Variants in CEP104 observed in about 807,000 individuals in gnomAD.
CEP104 encodes centrosomal protein 104.
Under a neutral mutation model 113.3 loss-of-function variants are expected in CEP104, and 84 were observed. The ratio of observed to expected loss-of-function variants is 0.74; its 90% CI spans 0.62 to 0.89. CEP104 has a LOEUF of 0.89. Ranked by LOEUF, CEP104 falls within the 40% of genes least tolerant of loss-of-function variation. CEP104 has a pLI of 0.00. For synonymous variants in CEP104, 378 were observed against 421.7 expected, an observed-to-expected ratio of 0.90 and a Z score of 1.27; for missense variants, 1,053 against 1,156.6, an observed-to-expected ratio of 0.91 and a Z score of 1.30.
chr1:3,835,371 C>T (rs1421335545), intron 10 of CEP104, among the ~76,000 whole-genome samples: 1 of 152,042 alleles, frequency 6.6e-6, no homozygotes, highest in African/African-American at 2.4e-5. Context: ...CGAGGGAAAA[C>T]CCTACTCATT....
rs772904201 is a variant in CEP104, at chr1:3,836,590, C to T, written c.1222G>A (p.Ala408Thr). 6 of 1,613,042 alleles carry T rather than the reference C, an allele frequency of 3.7e-6. No individual in the cohort carries two copies. The highest frequency in any genetic ancestry group is 5.1e-6 in the Non-Finnish European group (6 of 1,179,766). Residue 408 changes from alanine (A) to threonine (T), a missense_variant, in exon 10 of 22, where the codon GCT (alanine) becomes ACT (threonine). Ala to Thr is a moderately conservative substitution (Grantham distance 58). Transcript: ENST00000378230. ...TCCCCTAACATGCCTCCCCTCCGAGCATCGCTGATGTCTGCATTACTCATT... is the reference window on the plus strand; with the variant it reads ...TCCCCTAACATGCCTCCCCTCCGAGTATCGCTGATGTCTGCATTACTCATT... Reference protein sequence around the residue: ...PEMSNADISDARRGGMLGEPE... With the variant: ...PEMSNADISDTRRGGMLGEPE...
In CEP104 at chr1:3,829,931, C is replaced by A; in HGVS notation, c.1903G>T (p.Asp635Tyr). 4.3e-6 allele frequency: 7 copies of A among 1,614,168 alleles called. No homozygotes were observed. The highest frequency in any genetic ancestry group is 1.3e-5 in the African/African-American group (1 of 75,042). ...VRETAVRIILDMYRQHQASIL... is the reference protein window; with the variant it reads ...VRETAVRIILYMYRQHQASIL... ...GAAGCCTGGTGCTGTCTGTACATGT[C>A]CAAAATAATTCGAACCGCCGTCTCG... Residue 635 changes from aspartate to tyrosine, a missense_variant, in exon 14 of 22, where the codon GAC (aspartate) becomes TAC (tyrosine). By Grantham distance (160) the Asp-to-Tyr change is radical. Transcript: ENST00000378230.
At chr1:3,851,812 A>G (rs867770368) in intron 2 of CEP104, among the ~76,000 whole-genome samples, 18 of 152,206 alleles carry the variant, frequency 1.2e-4, no homozygotes, top group African/African-American at 1.7e-4. Context: ...ACTGTGCCCA[A>G]TTGAACATTT....
intron 2 of CEP104, among the ~76,000 whole-genome samples, chr1:3,850,685 C>A (rs1644593735): frequency 6.6e-6 from 1 of 152,156 alleles, no homozygotes; most frequent in South Asian, 2.1e-4. Flanking sequence ...TGTCTTTCTG[C>A]GATGTGCCTG....
chr1:3,831,728 T>C (rs568167103), intron 12 of CEP104, among the ~76,000 whole-genome samples: 1 of 152,368 alleles, frequency 6.6e-6, no homozygotes, highest in South Asian at 2.1e-4. Flanking sequence ...AGTCTTTACG[T>C]AATTAAGATA....
intron 8 of CEP104, among the ~76,000 whole-genome samples, chr1:3,838,215 C>T (rs1644350938): frequency 6.6e-6 from 1 of 152,158 alleles, no homozygotes. Context: ...TGCAGTGGTG[C>T]GATCGTAGCT....
intron 6 of CEP104, among the ~76,000 whole-genome samples, chr1:3,842,837 T>C (rs990497461): frequency 6.6e-6 from 1 of 152,132 alleles, no homozygotes; most frequent in African/African-American, 2.4e-5. Flanking sequence ...CCCCAGACTG[T>C]AGTGCAGTGG....
In CEP104 at chr1:3,837,379, CT is replaced by C. The variant is rs1244933247; in HGVS notation, c.1031del (p.Lys344SerfsTer7). The C allele has an allele frequency of 6.2e-7, 1 of 1,614,078 alleles. No individual in the cohort carries two copies. Among genetic ancestry groups the C allele is most frequent in the Non-Finnish European group, 8.5e-7 (1 of 1,180,032 alleles). On this transcript the variant is annotated frameshift_variant, in exon 9 of 22. Transcript: ENST00000378230. LOFTEE classifies it high-confidence loss of function. The stretch of plus-strand genomic sequence containing the variant: ...AAATAGTTAGAGAATATGATGAAGG[CT>C]TTTCCTGAAGGAAAGGTTCTGCAAA... ...NQFAEPFLQE[K>X]PSSYSLTISP...
rs376603812 is a variant in CEP104 at position 3,850,908 on chromosome 1, A to G, written c.113+1387T>C. On this transcript the variant is annotated intron_variant, in intron 2 of 21. Coordinates refer to ENST00000378230, the MANE Select transcript of CEP104 (RefSeq NM_014704.4). ...TACCAAAAAGGGTGGCTGTGTGTATACTTGAGAATCTTCAATCCCCAAATA... is the reference window on the plus strand; with the variant it reads ...TACCAAAAAGGGTGGCTGTGTGTATGCTTGAGAATCTTCAATCCCCAAATA... 2.6e-5 allele frequency among the ~76,000 whole-genome samples: 4 copies of G among 152,372 alleles called. No individual in the cohort carries two copies. The East Asian group carries it at 7.7e-4, about 29-fold the overall frequency.
At position 3,825,777 on chromosome 1, in the gene CEP104, C is replaced by T. The variant is rs1045722002; in HGVS notation, c.2345G>A (p.Arg782Lys). 7 of 1,612,906 alleles carry T rather than the reference C, an allele frequency of 4.3e-6. No individual in the cohort carries two copies. The highest frequency in any genetic ancestry group is 5.9e-6 in the Non-Finnish European group (7 of 1,178,956). Reference sequence around the variant, plus strand: ...CCTGACCTGTTTGCAGTGGTCACATCTTGTCAGCATGAGACAGTGCTTCCA... The same window carrying T: ...CCTGACCTGTTTGCAGTGGTCACATTTTGTCAGCATGAGACAGTGCTTCCA... ...HYWKHCLMLT[R>K]CDHCKQVVEI... The change falls in exon 18 of 22, where the codon AGA (arginine) becomes AAA (lysine). Residue 782 changes from arginine to lysine, a missense_variant. Transcript: ENST00000378230.
chr1:3,814,484 C>T lies in CEP104; in HGVS notation c.*918G>A, dbSNP rs771533248. ...GAAAGTAAACTTATGGATCCAATCA[C>T]AACATGGATGTGGAAGGGGCGGGAG... On this transcript the variant is annotated 3_prime_UTR_variant, in exon 22 of 22. Coordinates refer to ENST00000378230, the MANE Select transcript of CEP104 (RefSeq NM_014704.4). The T allele has an allele frequency of 1.3e-5, 2 of 152,264 alleles. No individual in the cohort carries two copies. The highest frequency in any genetic ancestry group is 2.9e-5 in the Non-Finnish European group (2 of 68,056). 9.4% of individuals were successfully genotyped at this position (152,264 alleles called of 1,614,324 possible).
At chr1:3,833,200 C>T (rs940093434) in intron 12 of CEP104, among the ~76,000 whole-genome samples, 12 of 151,798 alleles carry the variant, frequency 7.9e-5, no homozygotes, top group Admixed American at 4.6e-4. Flanking sequence ...AGGATAGTCT[C>T]GATCTCCTAA....
rs923298985 is a variant in CEP104, at chr1:3,819,919, C to T, written c.2571+3255G>A. On this transcript the variant is annotated intron_variant, in intron 20 of 21. Transcript: ENST00000378230. This position sits in a 1 kb window ranked among gnomAD's most constrained non-coding sequence, Gnocchi z 4.6. Reference sequence around the variant, plus strand: ...GGGGCCTCTAGGAGTTGAGTGGCTCCGGGTTGACAGCCCCCAAGAACATAT... The same window carrying T: ...GGGGCCTCTAGGAGTTGAGTGGCTCTGGGTTGACAGCCCCCAAGAACATAT... Among the ~76,000 whole-genome samples, 3 of 152,098 alleles carry T rather than the reference C, an allele frequency of 2.0e-5. No homozygotes were observed. Among genetic ancestry groups the T allele is most frequent in the Non-Finnish European group, 2.9e-5 (2 of 68,012 alleles).
rs771531523 is a variant in CEP104 at position 3,829,332 on chromosome 1, CTTTT to C, written c.2081_2084del (p.Gln694ArgfsTer5). 5 of 1,605,764 alleles carry C rather than the reference CTTTT, an allele frequency of 3.1e-6. No homozygotes were observed. The highest frequency in any genetic ancestry group is 1.3e-5 in the African/African-American group (1 of 74,224). ...CTTGTAAAGCTTTTATTTCTTCTTT[CTTTT>C]GTTTTTCTGCTTCTTCTGTAGCCGC... On this transcript the variant is annotated frameshift_variant, in exon 15 of 22. Transcript: ENST00000378230. LOFTEE classifies it high-confidence loss of function.
chr1:3,820,869 A>T (rs1643959072), intron 20 of CEP104, among the ~76,000 whole-genome samples: 1 of 152,156 alleles, frequency 6.6e-6, no homozygotes, highest in Admixed American at 6.5e-5. Flanking sequence ...GGTCGCCTCC[A>T]ATACCTGAAT....
Position 3,823,735 on chromosome 1 carries a change from C to T in CEP104, c.2365-173G>A, listed in dbSNP as rs146414906. ...TTTGCCCACAGACTGTCTGGAGTCACTTGTGATACTTTGCTGAAGACCCCA... is the reference window on the plus strand; with the variant it reads ...TTTGCCCACAGACTGTCTGGAGTCATTTGTGATACTTTGCTGAAGACCCCA... On this transcript the variant is annotated intron_variant, in intron 18 of 21. Coordinates refer to ENST00000378230, the MANE Select transcript of CEP104 (RefSeq NM_014704.4). This position sits in a 1 kb window ranked among gnomAD's most constrained non-coding sequence, Gnocchi z 4.1. Among the ~76,000 whole-genome samples, 22 of 152,338 alleles carry T rather than the reference C, an allele frequency of 1.4e-4. No homozygotes were observed. Among genetic ancestry groups the T allele is most frequent in the Non-Finnish European group, 2.9e-4 (20 of 68,030 alleles).
chr1:3,847,127 A>G, intron 4 of CEP104, among the ~76,000 whole-genome samples: 1 of 152,258 alleles, frequency 6.6e-6, no homozygotes, highest in East Asian at 1.9e-4. Flanking sequence ...TTTTAAAAAT[A>G]TAGGTTAACA....
Position 3,837,396 on chromosome 1 carries a change from G to A in CEP104, c.1015C>T (p.Pro339Ser). Reference protein sequence around the residue: ...ERGTENQFAEPFLQEKPSSYS... With the variant: ...ERGTENQFAESFLQEKPSSYS... ...GATGAAGGCTTTTCCTGAAGGAAAG[G>A]TTCTGCAAACTGGTTTTCTGTTCCT... Residue 339 changes from proline to serine, a missense_variant, in exon 9 of 22, where the codon CCT (proline) becomes TCT (serine). Pro to Ser is a moderately conservative substitution (Grantham distance 74). Coordinates refer to ENST00000378230, the MANE Select transcript of CEP104 (RefSeq NM_014704.4). 1 of 1,614,218 alleles carries A rather than the reference G, an allele frequency of 6.2e-7. No homozygotes were observed. Among genetic ancestry groups the A allele is most frequent in the Non-Finnish European group, 8.5e-7 (1 of 1,180,018 alleles).
Position 3,839,732 on chromosome 1 carries a change from A to C in CEP104, c.611T>G (p.Met204Arg), listed in dbSNP as rs1056366590. 4 of 1,613,478 alleles carry C rather than the reference A, an allele frequency of 2.5e-6. No individual in the cohort carries two copies. The highest frequency in any genetic ancestry group is 1.1e-5 in the South Asian group (1 of 90,884). ...ISPLDDLAFDMYQDPEVAQII... is the reference protein window; with the variant it reads ...ISPLDDLAFDRYQDPEVAQII... ...CTGTGCAACTTCTGGATCTTGGTAC[A>C]TATCAAAAGCTAAGTCATCTAGCGG... The change falls in exon 7 of 22, where the codon ATG (methionine) becomes AGG (arginine). Residue 204 changes from methionine (M) to arginine (R), a missense_variant. Transcript: ENST00000378230.
Sources: gnomAD v4.1 joint callset for allele counts (sites outside exome capture counted in the v4.1 genomes callset) on GRCh38, gnomAD v4.1.1 for gene constraint, Gnocchi (gnomAD v3.1) non-coding constraint, MANE v1.5 for transcripts, NCBI Gene and HGNC (gene_info 2026-07-23, HGNC 2026-07-21) for gene names.